Variants in FTO observed in about 807,000 individuals in gnomAD.
The protein encoded by FTO is FTO alpha-ketoglutarate dependent dioxygenase.
A neutral mutation model predicts 63.9 loss-of-function variants in FTO; 47 were observed. The observed-to-expected ratio is 0.74, with a 90% CI of 0.58 to 0.94. The LOEUF (loss-of-function observed/expected upper bound fraction) is 0.94, where lower values mean the gene tolerates loss of function less well. Among genes scored for constraint, FTO ranks in the 40% least tolerant of loss-of-function variants. The probability of loss-of-function intolerance (pLI) is 0.00; values close to 1 mark genes in which losing one functional copy is unlikely to be tolerated. For missense variants in FTO, 562 were observed against 618.1 expected (o/e 0.91, Z 0.96); for synonymous variants, 207 against 224.4 (o/e 0.92, Z 0.69).
chr16:53,703,995 T>G (rs561448543), upstream of FTO: 9 of 672,266 alleles, frequency 1.3e-5, no homozygotes, highest in Non-Finnish European at 1.9e-5. Flanking sequence ...CCTGGGAAAT[T>G]CTCCTGTGCT....
At chr16:53,934,654 G>A (rs1337643795) in intron 8 of FTO, among the ~76,000 whole-genome samples, 4 of 152,072 alleles carry the variant, frequency 2.6e-5, no homozygotes, top group Non-Finnish European at 5.9e-5. Context: ...GTTGCTCGGG[G>A]GCTGCAAACC....
intron 5 of FTO, among the ~76,000 whole-genome samples, chr16:53,877,429 C>G (rs72807779): frequency 0.023 from 3,438 of 152,252 alleles, 135 homozygotes; most frequent in East Asian, 0.14. Flanking sequence ...GAAATGGAAG[C>G]AACCAGTCAC....
intron 1 of FTO, among the ~76,000 whole-genome samples, chr16:53,737,794 C>T (rs895070023): frequency 2.6e-5 from 4 of 152,066 alleles, no homozygotes; most frequent in African/African-American, 7.2e-5. Context: ...CCCAGCCTAC[C>T]CAATTAAAGA....
At chr16:53,757,501 A>C (rs1214065132) in intron 1 of FTO, among the ~76,000 whole-genome samples, 1 of 151,552 alleles carries the variant, frequency 6.6e-6, no homozygotes, top group Non-Finnish European at 1.5e-5. Flanking sequence ...ATATGTGTGT[A>C]TATATGAATA....
intron 5 of FTO, among the ~76,000 whole-genome samples, chr16:53,877,730 CA>C (rs202230780): frequency 0.032 from 4,386 of 137,478 alleles, 87 homozygotes; most frequent in African/African-American, 0.063. Flanking sequence ...AAGCTGTTAC[CA>C]AAAAAAAAAA....
intron 1 of FTO, among the ~76,000 whole-genome samples, chr16:53,793,965 A>G (rs2077992892): frequency 6.6e-6 from 1 of 152,232 alleles, no homozygotes; most frequent in African/African-American, 2.4e-5. Context: ...AGTCACAAAC[A>G]TATTAAAAGT....
chr16:53,797,100 TTTTAGAG>T (rs1364092161), intron 1 of FTO, among the ~76,000 whole-genome samples: 1 of 152,180 alleles, frequency 6.6e-6, no homozygotes, highest in Non-Finnish European at 1.5e-5. Context: ...GATTCTGGTT[TTTTAGAG>T]TAGGTTTAGG....
chr16:53,836,219 T>G lies in FTO; in HGVS notation c.752-7936T>G, dbSNP rs193018853. 7.8e-4 allele frequency among the ~76,000 whole-genome samples: 119 copies of G among 152,306 alleles called. 1 individual carries two copies. Among genetic ancestry groups the G allele is most frequent in the African/African-American group, 2.8e-3 (117 of 41,576 alleles). On this transcript the variant is annotated intron_variant, in intron 3 of 8. Coordinates refer to ENST00000471389, the MANE Select transcript of FTO (RefSeq NM_001080432.3). ...CTGTTGAATTTTCAGTATTGAAATA[T>G]GACATATATCATAAACATACAGCTT... is the stretch of plus-strand genomic sequence containing the variant.
chr16:53,922,841 G>T (rs2082039705), intron 7 of FTO, among the ~76,000 whole-genome samples: 2 of 152,306 alleles, frequency 1.3e-5, no homozygotes, highest in South Asian at 4.1e-4. Flanking sequence ...AGTTGGGGAG[G>T]AAGTGAGGGT....
At chr16:53,801,146 C>T (rs1299752829) in intron 1 of FTO, among the ~76,000 whole-genome samples, 1 of 151,344 alleles carries the variant, frequency 6.6e-6, no homozygotes, top group African/African-American at 2.4e-5. Context: ...TTTGTCTATT[C>T]TTTGATCCCT....
At chr16:53,785,823 T>C (rs1198974582) in intron 1 of FTO, among the ~76,000 whole-genome samples, 3 of 151,698 alleles carry the variant, frequency 2.0e-5, no homozygotes, top group Non-Finnish European at 4.4e-5. Context: ...GGCAGGAGAA[T>C]TGCTTGAACC....
At chr16:53,820,867 G>T (rs931774713) in intron 2 of FTO, among the ~76,000 whole-genome samples, 1 of 152,102 alleles carries the variant, frequency 6.6e-6, no homozygotes, top group Non-Finnish European at 1.5e-5. Context: ...GGAGCCTGGG[G>T]GAAGTATTTA....
intron 8 of FTO, among the ~76,000 whole-genome samples, chr16:54,072,889 G>T (rs2085902405): frequency 6.6e-6 from 1 of 152,120 alleles, no homozygotes; most frequent in African/African-American, 2.4e-5. Flanking sequence ...ATCATCCCCT[G>T]CTATTAAAAA....
rs577520857 is a variant in FTO at position 54,120,077 on chromosome 16, G to A, written c.*8162G>A. 6.6e-6 allele frequency: 1 copy of A among 152,396 alleles called. No individual in the cohort carries two copies. Among genetic ancestry groups the A allele is most frequent in the South Asian group, 2.1e-4 (1 of 4,834 alleles). The allele number at this position is 152,396 out of a possible 1,614,324, so 9.4% of individuals were successfully genotyped here. On this transcript the variant is annotated 3_prime_UTR_variant, in exon 9 of 9. Coordinates refer to ENST00000471389, the MANE Select transcript of FTO (RefSeq NM_001080432.3). ...GAGGCATCCCTGCCAAGGACTTCAA[G>A]TGAAAGGCGGTGGGAGAAATTGTTC...
chr16:53,852,664 T>A (rs149158637), intron 4 of FTO, among the ~76,000 whole-genome samples: 110 of 152,334 alleles, frequency 7.2e-4, no homozygotes, highest in African/African-American at 2.5e-3. Context: ...CTACTGTAAC[T>A]ATCCAACCTG....
intron 1 of FTO, among the ~76,000 whole-genome samples, chr16:53,714,538 C>T (rs2075849024): frequency 6.6e-6 from 1 of 151,898 alleles, no homozygotes; most frequent in Admixed American, 6.6e-5. Context: ...ATTTTTTGGG[C>T]TTAAGAATAT....
intron 3 of FTO, among the ~76,000 whole-genome samples, chr16:53,842,694 G>A (rs1307582311): frequency 2.0e-5 from 3 of 152,010 alleles, no homozygotes; most frequent in Non-Finnish European, 4.4e-5. Flanking sequence ...TTTATTTTGA[G>A]GCAGGGCCTC....
chr16:53,996,824 T>G (rs1210077328), intron 8 of FTO, among the ~76,000 whole-genome samples: 1 of 151,940 alleles, frequency 6.6e-6, no homozygotes, highest in Non-Finnish European at 1.5e-5. Flanking sequence ...CCATTGGATC[T>G]CAGGCCGGGC....
intron 4 of FTO, 59 bp downstream of exon 4, chr16:53,844,357 G>A: frequency 7.5e-7 from 1 of 1,341,834 alleles, no homozygotes; most frequent in Non-Finnish European, 1.1e-6. Context: ...TAGATTATAG[G>A]ATTTATATTT....
Sources: gnomAD v4.1 joint callset for allele counts (sites outside exome capture counted in the v4.1 genomes callset) on GRCh38, gnomAD v4.1.1 for gene constraint, MANE v1.5 for transcripts, NCBI Gene and HGNC (gene_info 2026-07-23, HGNC 2026-07-21) for gene names.